The following PPP2R3A variants were observed in gnomAD, a reference collection of about 807,000 sequenced individuals.
PPP2R3A encodes the protein protein phosphatase 2 regulatory subunit B''alpha.
A neutral mutation model predicts 106.9 loss-of-function variants in PPP2R3A; 80 were observed. The observed-to-expected ratio is 0.75, with a 90% CI of 0.62 to 0.90. The LOEUF is 0.90. PPP2R3A is among the 40% of genes least tolerant of loss of function. The pLI is 0.00. For missense variants in PPP2R3A, 1,386 were observed against 1,350.4 expected, an observed-to-expected ratio of 1.03 and a Z score of -0.41; for synonymous variants, 483 against 468.3, an observed-to-expected ratio of 1.03 and a Z score of -0.41.
At chr3:135,995,016 G>A (rs1055509103) in intron 1 of PPP2R3A, among the ~76,000 whole-genome samples, 2 of 152,108 alleles carry the variant, frequency 1.3e-5, no homozygotes, top group African/African-American at 2.4e-5. Context: ...TAGAGTAATC[G>A]TAATCTGCTT....
chr3:135,993,585 G>C (rs1350839996), intron 1 of PPP2R3A, among the ~76,000 whole-genome samples: 2 of 152,172 alleles, frequency 1.3e-5, no homozygotes, highest in Admixed American at 6.5e-5. Flanking sequence ...ACTTTTACTT[G>C]ATTAGTCATA....
chr3:135,974,964 T>C (rs1193616097), intron 1 of PPP2R3A, among the ~76,000 whole-genome samples: 1 of 152,242 alleles, frequency 6.6e-6, no homozygotes, highest in African/African-American at 2.4e-5. Context: ...ATTTCCTATT[T>C]TACAGCCTTG....
chr3:136,133,819 C>T (rs1178603618), intron 13 of PPP2R3A, among the ~76,000 whole-genome samples: 2 of 148,208 alleles, frequency 1.3e-5, no homozygotes, highest in Admixed American at 6.7e-5. Context: ...TTATAACATT[C>T]CACCATATGA....
rs577363416 is a variant in PPP2R3A, at chr3:136,077,473, A to G, written c.2545-894A>G. Among the ~76,000 whole-genome samples, 4 of 152,270 alleles carry G rather than the reference A, an allele frequency of 2.6e-5. No homozygotes were observed. In the South Asian group the frequency reaches 8.3e-4, roughly 32 times the overall value. ...AGATACAGGATTTCTGTATTATTAGACTATCAAAATAAAAGCAGAATGCAC... is the reference window on the plus strand; with the variant it reads ...AGATACAGGATTTCTGTATTATTAGGCTATCAAAATAAAAGCAGAATGCAC... On this transcript the variant is annotated intron_variant, in intron 6 of 13. Transcript: ENST00000264977.
intron 3 of PPP2R3A, among the ~76,000 whole-genome samples, chr3:136,029,452 G>A (rs1405927934): frequency 6.6e-6 from 1 of 152,144 alleles, no homozygotes; most frequent in Non-Finnish European, 1.5e-5. Context: ...TCAGTGAGAG[G>A]AGAGCAGAAA....
chr3:136,001,507 A>G lies in PPP2R3A; in HGVS notation c.9A>G (p.Ala3=). Residue 3 remains alanine, a synonymous_variant, in exon 2 of 14, where the codon GCA becomes GCG. Transcript: ENST00000264977. MA[A]TYRLVVSTVN... ...TAAGTGGATTTGATATTATGGCAGC[A>G]ACTTACAGACTTGTGGTTAGTACTG... is the stretch of plus-strand genomic sequence containing the variant. 6.2e-7 allele frequency: 1 copy of G among 1,610,024 alleles called. No homozygotes were observed. Among genetic ancestry groups the G allele is most frequent in the South Asian group, 1.1e-5 (1 of 90,638 alleles).
At chr3:136,058,549 G>T (rs1361044980) in intron 5 of PPP2R3A, among the ~76,000 whole-genome samples, 1 of 152,082 alleles carries the variant, frequency 6.6e-6, no homozygotes, top group African/African-American at 2.4e-5. Flanking sequence ...CCATGCTCAT[G>T]GGTAGCAAGA....
At chr3:136,039,883 A>G (rs1042569419) in intron 3 of PPP2R3A, among the ~76,000 whole-genome samples, 1 of 152,154 alleles carries the variant, frequency 6.6e-6, no homozygotes, top group Non-Finnish European at 1.5e-5. Flanking sequence ...CTTTTTATCG[A>G]GAAAAATCAA....
chr3:135,977,685 A>G (rs1937453311), intron 1 of PPP2R3A, among the ~76,000 whole-genome samples: 1 of 102,686 alleles, frequency 9.7e-6, no homozygotes, highest in South Asian at 3.1e-4. Flanking sequence ...TCTGATCAGC[A>G]TTCTTTTTTT....
chr3:136,130,127 ACCACT>A (rs1278422567), intron 13 of PPP2R3A, among the ~76,000 whole-genome samples: 3 of 152,164 alleles, frequency 2.0e-5, no homozygotes, highest in Admixed American at 1.3e-4. Flanking sequence ...GCCCTCTCTA[ACCACT>A]CCTATTCAAC....
chr3:135,989,757 C>G (rs959387391), intron 1 of PPP2R3A, among the ~76,000 whole-genome samples: 7 of 152,092 alleles, frequency 4.6e-5, no homozygotes, highest in African/African-American at 1.7e-4. Context: ...AGTAAATTTA[C>G]TGTGCTCATA....
chr3:135,976,004 C>T (rs1937410363), intron 1 of PPP2R3A, among the ~76,000 whole-genome samples: 1 of 152,024 alleles, frequency 6.6e-6, no homozygotes, highest in African/African-American at 2.4e-5. Context: ...ATTTTTATTT[C>T]CTTGGGGCTG....
At position 136,081,568 on chromosome 3, in the gene PPP2R3A, T is replaced by C. The variant is rs144713966; in HGVS notation, c.2632-697T>C. Among the ~76,000 whole-genome samples the C allele has an allele frequency of 7.5e-3, 1,145 of 152,322 alleles. 18 individuals carry two copies. Among genetic ancestry groups the C allele is most frequent in the African/African-American group, 0.026 (1,081 of 41,576 alleles). Reference sequence around the variant, plus strand: ...ATTTCATTTTTTTATATTTCTTACATTCTTTTGTGCTTTTATTTTTCTTTC... The same window carrying C: ...ATTTCATTTTTTTATATTTCTTACACTCTTTTGTGCTTTTATTTTTCTTTC... On this transcript the variant is annotated intron_variant, in intron 7 of 13. Transcript: ENST00000264977.
chr3:136,018,163 A>C (rs958882628), intron 2 of PPP2R3A, among the ~76,000 whole-genome samples: 37 of 152,186 alleles, frequency 2.4e-4, no homozygotes, highest in African/African-American at 8.4e-4. Context: ...GCTACTCAGC[A>C]GGCTGATGTG....
At chr3:135,976,134 C>T (rs986528252) in intron 1 of PPP2R3A, among the ~76,000 whole-genome samples, 1 of 152,122 alleles carries the variant, frequency 6.6e-6, no homozygotes, top group Non-Finnish European at 1.5e-5. Context: ...TAATAGGAAC[C>T]CCAGCTTTTA....
rs750843924 is a variant in PPP2R3A at position 136,145,117 on chromosome 3, C to G, written c.3404C>G (p.Ala1135Gly). 1 of 1,613,738 alleles carries G rather than the reference C, an allele frequency of 6.2e-7. No individual in the cohort carries two copies. The highest frequency in any genetic ancestry group is 1.1e-5 in the South Asian group (1 of 91,028). Residue 1135 changes from alanine (A) to glycine (G), a missense_variant, in exon 14 of 14, where the codon GCA becomes GGA. Ala to Gly is a moderately conservative substitution (Grantham distance 60). Coordinates refer to ENST00000264977, the MANE Select transcript of PPP2R3A (RefSeq NM_002718.5). ...FGNKSNKILS[A>G]SLPEKCGKLQ... ...AACAAAAGCAATAAAATATTAAGTG[C>G]AAGCCTTCCAGAGAAATGTGGAAAG...
intron 13 of PPP2R3A, among the ~76,000 whole-genome samples, chr3:136,133,313 C>G (rs1938492926): frequency 6.6e-6 from 1 of 152,112 alleles, no homozygotes; most frequent in African/African-American, 2.4e-5. Flanking sequence ...AGACTAATAT[C>G]TCAATTTTTT....
intron 5 of PPP2R3A, among the ~76,000 whole-genome samples, chr3:136,054,900 T>C (rs974480829): frequency 6.6e-6 from 1 of 152,214 alleles, no homozygotes; most frequent in Admixed American, 6.5e-5. Flanking sequence ...ACTCACTATA[T>C]AATTCGGTTG....
intron 1 of PPP2R3A, among the ~76,000 whole-genome samples, chr3:135,977,481 T>C (rs1343514996): frequency 6.6e-6 from 1 of 152,256 alleles, no homozygotes; most frequent in Non-Finnish European, 1.5e-5. Flanking sequence ...TCTGCTTTGT[T>C]GGTTTTTAAC....
Sources: gnomAD v4.1 joint callset for allele counts (sites outside exome capture counted in the v4.1 genomes callset) on GRCh38, gnomAD v4.1.1 for gene constraint, MANE v1.5 for transcripts, NCBI Gene and HGNC (gene_info 2026-07-23, HGNC 2026-07-21) for gene names.